Variants in CES5A observed in about 807,000 individuals in gnomAD.
CES5A encodes carboxylesterase 5.
A neutral mutation model predicts 62.9 loss-of-function variants in CES5A; 67 were observed. The observed-to-expected ratio is 1.07, with a 90% CI of 0.88 to 1.31. The LOEUF is 1.31. CES5A is among the 50% of genes most tolerant of loss of function. The pLI, the probability that CES5A is intolerant of heterozygous loss-of-function variation, is 0.00. For missense variants in CES5A, 748 were observed against 708.5 expected, an observed-to-expected ratio of 1.06 and a Z score of -0.63; for synonymous variants, 296 against 280.8, an observed-to-expected ratio of 1.05 and a Z score of -0.54.
At chr16:55,875,099 C>T (rs757025392) in intron 1 of CES5A, 50 bp downstream of exon 1, 10 of 1,570,734 alleles carry the variant, frequency 6.4e-6, no homozygotes, top group Middle Eastern at 3.3e-4. Context: ...GTGGAAAATC[C>T]TCACCCACCC....
Position 55,848,116 on chromosome 16 carries a change from C to A in CES5A, c.1424-1276G>T, listed in dbSNP as rs1034033020. Among the ~76,000 whole-genome samples, 15 of 151,730 alleles carry A rather than the reference C, an allele frequency of 9.9e-5. No individual in the cohort carries two copies. In the South Asian group the frequency reaches 3.1e-3, roughly 32 times the overall value. On this transcript the variant is annotated intron_variant, in intron 11 of 12. Coordinates refer to ENST00000290567, the MANE Select transcript of CES5A (RefSeq NM_001143685.2). The stretch of plus-strand genomic sequence containing the variant: ...TTTTTTTATTTTGTAAAAATAAAAA[C>A]AATTTTTGAGACGGGAGTCTCACTC...
At position 55,909,570 on chromosome 16, in the gene CES5A, G is replaced by GCGCACA. The variant is rs1555485425; in HGVS notation, c.-256+15752_-256+15753insTGTGCG. 2.1e-4 allele frequency among the ~76,000 whole-genome samples: 32 copies of GCGCACA among 150,156 alleles called. No individual in the cohort carries two copies. In the East Asian group the frequency reaches 5.6e-3, roughly 26 times the overall value. Reference sequence around the variant, plus strand: ...TGAGCATGTGAGTGCGTGCGCACGTGCACACACACACACACACACACACAC... The same window carrying GCGCACA: ...TGAGCATGTGAGTGCGTGCGCACGTGCGCACACACACACACACACACACACACACAC... On this transcript the variant is annotated intron_variant, in intron 1 of 12. Coordinates refer to the CES5A transcript ENST00000518005.
intron 1 of CES5A, among the ~76,000 whole-genome samples, chr16:55,923,563 C>T (rs1309268311): frequency 6.6e-6 from 1 of 151,774 alleles, no homozygotes; most frequent in African/African-American, 2.4e-5. Flanking sequence ...GACCTGATAG[C>T]TTCACTGATG....
intron 6 of CES5A, among the ~76,000 whole-genome samples, chr16:55,862,137 C>T (rs3933468): frequency 0.15 from 23,429 of 152,180 alleles, 2,155 homozygotes; most frequent in Middle Eastern, 0.28. Flanking sequence ...CTTCCTCATC[C>T]AATCTCCTAT....
intron 5 of CES5A, among the ~76,000 whole-genome samples, chr16:55,864,408 C>T (rs1273414655): frequency 6.6e-6 from 1 of 152,190 alleles, no homozygotes; most frequent in Non-Finnish European, 1.5e-5. Flanking sequence ...TCTAACACCT[C>T]TGTACATTTC....
chr16:55,890,503 G>C (rs2033865317), intron 1 of CES5A, among the ~76,000 whole-genome samples: 1 of 151,286 alleles, frequency 6.6e-6, no homozygotes, highest in Non-Finnish European at 1.5e-5. Flanking sequence ...AAAAAGTAGG[G>C]AATACTTCCA....
At chr16:55,864,428 C>T (rs534656123) in intron 5 of CES5A, among the ~76,000 whole-genome samples, 1 of 152,282 alleles carries the variant, frequency 6.6e-6, no homozygotes. Flanking sequence ...CTCTTCTCAC[C>T]AGTTTCTTGC....
chr16:55,873,130 T>C lies in CES5A; in HGVS notation c.278+703A>G, dbSNP rs879723373. 5.3e-5 allele frequency among the ~76,000 whole-genome samples: 8 copies of C among 151,584 alleles called. No homozygotes were observed. In the South Asian group the frequency reaches 8.4e-4, roughly 16 times the overall value. On this transcript the variant is annotated intron_variant, in intron 2 of 12. Coordinates refer to ENST00000290567, the MANE Select transcript of CES5A (RefSeq NM_001143685.2). Reference sequence around the variant, plus strand: ...TGAGAGCTTGACAGAATCTAAAGAGTTGGAAGATTCTAGGGGATTTTCAAG... The same window carrying C: ...TGAGAGCTTGACAGAATCTAAAGAGCTGGAAGATTCTAGGGGATTTTCAAG...
intron 2 of CES5A, among the ~76,000 whole-genome samples, chr16:55,941,981 T>C (rs1410002803): frequency 6.6e-6 from 1 of 152,164 alleles, no homozygotes; most frequent in Admixed American, 6.5e-5. Flanking sequence ...GTCAGTTCAC[T>C]GGCGAAAAGA....
intron 4 of CES5A, among the ~76,000 whole-genome samples, chr16:55,866,619 G>A (rs1441339951): frequency 7.0e-6 from 1 of 142,394 alleles, no homozygotes; most frequent in African/African-American, 2.7e-5. Context: ...TCAGGAGATC[G>A]AGACCATCCT....
At chr16:55,886,547 G>C (rs1458602269) in intron 1 of CES5A, among the ~76,000 whole-genome samples, 1 of 152,204 alleles carries the variant, frequency 6.6e-6, no homozygotes, top group Admixed American at 6.5e-5. Flanking sequence ...TGGTGGCTAA[G>C]CATGGGCTCT....
At chr16:55,936,612 C>T (rs1409691751) in intron 2 of CES5A, among the ~76,000 whole-genome samples, 6 of 152,266 alleles carry the variant, frequency 3.9e-5, no homozygotes, top group Admixed American at 3.9e-4. Context: ...GTAGGTGCTC[C>T]TCTAATCCCT....
chr16:55,858,192 T>C (rs7498645), intron 8 of CES5A, among the ~76,000 whole-genome samples: 49,684 of 151,846 alleles, frequency 0.33, 9,290 homozygotes, highest in African/African-American at 0.51. Flanking sequence ...AGAGAGACTC[T>C]GACTCAAAAA....
At chr16:55,875,087 C>T in intron 1 of CES5A, 62 bp downstream of exon 1, 1 of 1,487,154 alleles carries the variant, frequency 6.7e-7, no homozygotes, top group Non-Finnish European at 9.4e-7. Flanking sequence ...TCATTTCTAC[C>T]AGTGGAAAAT....
chr16:55,875,086 C>T (rs2142417713), intron 1 of CES5A, 63 bp downstream of exon 1: 1 of 1,484,856 alleles, frequency 6.7e-7, no homozygotes, highest in East Asian at 2.3e-5. Flanking sequence ...TTCATTTCTA[C>T]CAGTGGAAAA....
intron 2 of CES5A, chr16:55,944,306 G>A: frequency 1.7e-6 from 1 of 582,170 alleles, no homozygotes. Flanking sequence ...TTGTTGAGAA[G>A]ATCTAATGAA....
intron 1 of CES5A, among the ~76,000 whole-genome samples, chr16:55,955,419 T>C (rs1397498019): frequency 6.6e-6 from 1 of 152,230 alleles, no homozygotes; most frequent in East Asian, 1.9e-4. Flanking sequence ...TTTAACTATA[T>C]AATTGTTTTC....
At chr16:55,944,943 G>A (rs1281249091) in intron 2 of CES5A, among the ~76,000 whole-genome samples, 1 of 152,176 alleles carries the variant, frequency 6.6e-6, no homozygotes, top group Non-Finnish European at 1.5e-5. Context: ...GAAAGAAGGG[G>A]GACTACAAAC....
intron 1 of CES5A, among the ~76,000 whole-genome samples, chr16:55,874,342 A>G (rs1479353583): frequency 2.0e-5 from 3 of 152,150 alleles, no homozygotes; most frequent in Non-Finnish European, 2.9e-5. Context: ...TTTCTACAGG[A>G]TTGACATATA....
Sources: gnomAD v4.1 joint callset for allele counts (sites outside exome capture counted in the v4.1 genomes callset) on GRCh38, gnomAD v4.1.1 for gene constraint, MANE v1.5 for transcripts, NCBI Gene and HGNC (gene_info 2026-07-23, HGNC 2026-07-21) for gene names.